PDZD2: variants seen among roughly 807,000 people sequenced by gnomAD.
PDZD2 encodes PDZ domain containing 2.
In PDZD2, 90 loss-of-function variants were observed where a neutral mutation model predicts 220.7. The observed-to-expected ratio is 0.41, with a 90% CI of 0.34 to 0.49. The LOEUF (loss-of-function observed/expected upper bound fraction) is 0.49, where lower values mean the gene tolerates loss of function less well. PDZD2 is among the 20% of genes least tolerant of loss of function. The pLI, the probability that PDZD2 is intolerant of heterozygous loss-of-function variation, is 0.28. For synonymous variants in PDZD2, 1,375 were observed against 1,450.5 expected, an observed-to-expected ratio of 0.95 and a Z score of 1.18; for missense variants, 3,174 against 3,608.5, an observed-to-expected ratio of 0.88 and a Z score of 3.08.
intron 1 of PDZD2, among the ~76,000 whole-genome samples, chr5:31,704,362 G>A (rs1048616961): frequency 6.6e-6 from 1 of 152,110 alleles, no homozygotes; most frequent in Admixed American, 6.6e-5. Context: ...TCTCCTGTGT[G>A]TATGTATATA....
chr5:32,049,275 A>G (rs1467368104), intron 8 of PDZD2, among the ~76,000 whole-genome samples: 6 of 152,174 alleles, frequency 3.9e-5, no homozygotes, highest in African/African-American at 1.4e-4. Context: ...TCAACCTGGT[A>G]GAAACCGGTC....
chr5:31,837,016 A>AAAGAAAG (rs1756979574), intron 2 of PDZD2, among the ~76,000 whole-genome samples: 1 of 146,572 alleles, frequency 6.8e-6, no homozygotes, highest in African/African-American at 2.5e-5. Context: ...AGACTGTCTT[A>AAAGAAAG]AAAGAAAGAA....
chr5:32,093,443 G>A (rs1291696439), intron 21 of PDZD2, among the ~76,000 whole-genome samples: 3 of 152,126 alleles, frequency 2.0e-5, no homozygotes, highest in Non-Finnish European at 2.9e-5. Context: ...TAGTCCCGCC[G>A]TTGCCCTGAA....
At chr5:31,958,504 T>C (rs1421966976) in intron 2 of PDZD2, among the ~76,000 whole-genome samples, 1 of 152,154 alleles carries the variant, frequency 6.6e-6, no homozygotes, top group Non-Finnish European at 1.5e-5. Context: ...TCCACCTGCC[T>C]CAGCCTCCCC....
At chr5:31,823,071 T>A in intron 2 of PDZD2, 1 of 998,084 alleles carries the variant, frequency 1.0e-6, no homozygotes, top group Non-Finnish European at 1.5e-6. Context: ...TAACTGTGCA[T>A]CCCTTTAGAG....
intron 2 of PDZD2, among the ~76,000 whole-genome samples, chr5:31,903,877 C>A (rs1742375917): frequency 6.6e-6 from 1 of 151,806 alleles, no homozygotes; most frequent in South Asian, 2.1e-4. Flanking sequence ...GTGCCCGCCA[C>A]CATGCGCAGG....
chr5:31,773,667 A>T (rs1752468907), intron 1 of PDZD2, among the ~76,000 whole-genome samples: 1 of 152,210 alleles, frequency 6.6e-6, no homozygotes, highest in Admixed American at 6.5e-5. Context: ...ATTTATTTAG[A>T]TATATTGATT....
intron 1 of PDZD2, chr5:31,787,770 A>G (rs1753462812): frequency 6.6e-6 from 1 of 152,164 alleles, no homozygotes; most frequent in Non-Finnish European, 1.5e-5. Flanking sequence ...TTATTAATAT[A>G]TGGAAACACC....
intron 7 of PDZD2, among the ~76,000 whole-genome samples, chr5:32,042,838 C>CTG (rs1226763260): frequency 9.9e-5 from 15 of 152,148 alleles, no homozygotes; most frequent in Admixed American, 2.0e-4. Flanking sequence ...GGAGGCCTTC[C>CTG]TGTTGTCCAT....
chr5:32,087,761 C>T lies in PDZD2; in HGVS notation c.4313C>T (p.Ala1438Val), dbSNP rs1316518529. 1.2e-6 allele frequency: 2 copies of T among 1,614,090 alleles called. No homozygotes were observed. The highest frequency in any genetic ancestry group is 1.6e-4 in the Middle Eastern group (1 of 6,062). ...DSFIKELDAS[A>V]ARSPSSQTGD... Reference sequence around the variant, plus strand: ...TTCATCAAGGAGCTGGATGCTTCTGCAGCAAGGTCTCCGTCTTCCCAGACG... The same window carrying T: ...TTCATCAAGGAGCTGGATGCTTCTGTAGCAAGGTCTCCGTCTTCCCAGACG... Residue 1438 changes from alanine (A) to valine (V), a missense_variant, in exon 20 of 25, where the codon GCA (alanine) becomes GTA (valine). Ala to Val is a moderately conservative substitution (Grantham distance 64). Coordinates refer to ENST00000438447, the MANE Select transcript of PDZD2 (RefSeq NM_178140.4). This position sits in a 1 kb window ranked among gnomAD's most constrained non-coding sequence, Gnocchi z 4.0.
intron 2 of PDZD2, among the ~76,000 whole-genome samples, chr5:31,955,506 G>A (rs1056598147): frequency 2.0e-5 from 3 of 151,964 alleles, no homozygotes; most frequent in African/African-American, 7.2e-5. Context: ...TTACCATGTT[G>A]GCCAGGCTGG....
chr5:32,097,018 G>A (rs1045865938), intron 21 of PDZD2, among the ~76,000 whole-genome samples: 7 of 151,522 alleles, frequency 4.6e-5, no homozygotes, highest in Non-Finnish European at 1.0e-4. Context: ...GTAGAGACAG[G>A]GTTTTGCCAC....
chr5:32,005,005 C>T (rs937317831), intron 5 of PDZD2, among the ~76,000 whole-genome samples: 2 of 152,208 alleles, frequency 1.3e-5, no homozygotes, highest in African/African-American at 4.8e-5. Flanking sequence ...CACTAAACTG[C>T]TACAGCAGCT....
Position 32,098,266 on chromosome 5 carries a change from G to T in PDZD2, c.7948-98G>T, listed in dbSNP as rs1007709053. On this transcript the variant is annotated intron_variant, in intron 22 of 24. Coordinates refer to ENST00000438447, the MANE Select transcript of PDZD2 (RefSeq NM_178140.4). The surrounding 1 kb of genome is among the most constrained non-coding windows in gnomAD (Gnocchi z 4.1). ...CAAAAAATAAAAATAAAAAAGGAAG[G>T]TTCCTTTACTACAGATACGCAGTTA... The T allele has an allele frequency of 2.5e-5, 30 of 1,188,438 alleles. No individual in the cohort carries two copies. Among genetic ancestry groups the T allele is most frequent in the Middle Eastern group, 2.1e-4 (1 of 4,698 alleles). 73.6% of individuals were successfully genotyped at this position (1,188,438 alleles called of 1,614,324 possible).
At chr5:31,897,118 AAAAAT>A (rs759974063) in intron 2 of PDZD2, among the ~76,000 whole-genome samples, 4 of 152,074 alleles carry the variant, frequency 2.6e-5, no homozygotes, top group Non-Finnish European at 4.4e-5. Context: ...ATCACTCGTG[AAAAAT>A]AAAAGGTTAA....
chr5:32,010,325 CA>C lies in PDZD2; in HGVS notation c.1255-4del, dbSNP rs760364570. Reference sequence around the variant, plus strand: ...ATGGATGGGCCTTTAATTGTGTCCCCATAGGAAAACTCCGCAGAGGACCTCC... The same window carrying C: ...ATGGATGGGCCTTTAATTGTGTCCCCTAGGAAAACTCCGCAGAGGACCTCC... On this transcript the variant is annotated splice_region_variant and splice_polypyrimidine_tract_variant and intron_variant, in intron 5 of 24. Transcript: ENST00000438447. The C allele has an allele frequency of 6.3e-7, 1 of 1,594,350 alleles. No individual in the cohort carries two copies. The highest frequency in any genetic ancestry group is 8.6e-7 in the Non-Finnish European group (1 of 1,166,192).
intron 6 of PDZD2, among the ~76,000 whole-genome samples, chr5:32,019,139 CTTTTT>C (rs3037908): frequency 9.4e-6 from 1 of 106,190 alleles, no homozygotes; most frequent in African/African-American, 3.6e-5. Flanking sequence ...CATAGAAAAG[CTTTTT>C]TTTTTTTTTT....
intron 1 of PDZD2, among the ~76,000 whole-genome samples, chr5:31,641,109 G>T (rs566319019): frequency 6.9e-4 from 105 of 152,212 alleles, no homozygotes; most frequent in Non-Finnish European, 1.2e-3. Flanking sequence ...CCTGTGGTTT[G>T]CTGTGCTGGA....
chr5:32,055,104 C>A lies in PDZD2; in HGVS notation c.1900+1221C>A, dbSNP rs77648248. ...ATAGATATACATATCTTTATATTTTCTGTGAAATGTTTATCTGGATTAAGA... is the reference window on the plus strand; with the variant it reads ...ATAGATATACATATCTTTATATTTTATGTGAAATGTTTATCTGGATTAAGA... On this transcript the variant is annotated intron_variant, in intron 10 of 24. Coordinates refer to ENST00000438447, the MANE Select transcript of PDZD2 (RefSeq NM_178140.4). Among the ~76,000 whole-genome samples the A allele has an allele frequency of 9.4e-3, 1,425 of 152,214 alleles. 22 individuals carry two copies. The highest frequency in any genetic ancestry group is 0.032 in the African/African-American group (1,331 of 41,518).
Sources: gnomAD v4.1 joint callset for allele counts (sites outside exome capture counted in the v4.1 genomes callset) on GRCh38, gnomAD v4.1.1 for gene constraint, Gnocchi (gnomAD v3.1) non-coding constraint, MANE v1.5 for transcripts, NCBI Gene and HGNC (gene_info 2026-07-23, HGNC 2026-07-21) for gene names.